CTNNA3: variants seen among roughly 807,000 people sequenced by gnomAD.
The protein encoded by CTNNA3 is catenin alpha-3.
Under a neutral mutation model 95.7 loss-of-function variants are expected in CTNNA3, and 76 were observed. That is an observed-to-expected ratio of 0.79 (90% CI 0.66 to 0.96). The LOEUF is 0.96. CTNNA3 is among the 40% of genes least tolerant of loss of function. CTNNA3 has a pLI of 0.00. For synonymous variants in CTNNA3, 431 were observed against 374.4 expected (o/e 1.15, Z -1.74); for missense variants, 1,191 against 1,089.8 (o/e 1.09, Z -1.31).
chr10:66,685,195 ATATATATATACGTATATATATGTG>A, intron 9 of CTNNA3, among the ~76,000 whole-genome samples: 1 of 52,718 alleles, frequency 1.9e-5, no homozygotes, highest in Non-Finnish European at 3.6e-5. Flanking sequence ...ATATACGTGT[ATATATATATACGTATATATATGTG>A]TATATATATA....
intron 7 of CTNNA3, among the ~76,000 whole-genome samples, chr10:67,121,981 C>CAAAAA (rs370358378): frequency 1.5e-4 from 7 of 47,146 alleles, no homozygotes; most frequent in South Asian, 1.1e-3. Flanking sequence ...TTATTCTGAG[C>CAAAAA]AAAAAAAAAA....
At chr10:67,662,562 C>T (rs1265633510) in intron 1 of CTNNA3, among the ~76,000 whole-genome samples, 2 of 152,144 alleles carry the variant, frequency 1.3e-5, no homozygotes, top group African/African-American at 4.8e-5. Flanking sequence ...ATGACATGAA[C>T]GAATATCAAA....
intron 15 of CTNNA3, among the ~76,000 whole-genome samples, chr10:66,032,838 AT>A (rs1160430760): frequency 1.3e-5 from 2 of 152,160 alleles, no homozygotes; most frequent in Admixed American, 6.5e-5. Flanking sequence ...CATGTATATT[AT>A]TTTTCTTCAC....
chr10:66,892,594 T>C (rs1053847528), intron 7 of CTNNA3, among the ~76,000 whole-genome samples: 3 of 152,052 alleles, frequency 2.0e-5, no homozygotes, highest in Non-Finnish European at 4.4e-5. Flanking sequence ...CTTTTTAAAG[T>C]GAAAAAATCC....
chr10:67,744,325 C>A (rs10997792), intron 1 of CTNNA3, among the ~76,000 whole-genome samples: 14,534 of 150,878 alleles, frequency 0.096, 1,391 homozygotes, highest in East Asian at 0.26. Context: ...ATGGAACAGA[C>A]CAGAGCCCTC....
chr10:67,408,730 A>T (rs1845241541), intron 5 of CTNNA3, among the ~76,000 whole-genome samples: 1 of 152,140 alleles, frequency 6.6e-6, no homozygotes, highest in African/African-American at 2.4e-5. Context: ...GCAAAAATTG[A>T]CAAATGAGAT....
At chr10:66,184,509 ACAAATAAC>A (rs1159958750) in intron 13 of CTNNA3, among the ~76,000 whole-genome samples, 1 of 152,184 alleles carries the variant, frequency 6.6e-6, no homozygotes, top group Non-Finnish European at 1.5e-5. Flanking sequence ...CCTTTATTAT[ACAAATAAC>A]CAATTTTTTT....
intron 9 of CTNNA3, among the ~76,000 whole-genome samples, chr10:66,705,512 A>C (rs1848087667): frequency 6.6e-6 from 1 of 152,044 alleles, no homozygotes; most frequent in African/African-American, 2.4e-5. Context: ...TTGTGGGAAG[A>C]TATAAATGTT....
At chr10:66,054,572 G>A (rs1325109143) in intron 15 of CTNNA3, among the ~76,000 whole-genome samples, 1 of 151,978 alleles carries the variant, frequency 6.6e-6, no homozygotes, top group African/African-American at 2.4e-5. Flanking sequence ...TGATTGGATT[G>A]TTCTTTTCCT....
At chr10:67,682,613 C>A (rs977037456) in intron 1 of CTNNA3, among the ~76,000 whole-genome samples, 2 of 152,074 alleles carry the variant, frequency 1.3e-5, no homozygotes, top group Non-Finnish European at 2.9e-5. Context: ...AGAAATATGA[C>A]AATACATCTC....
chr10:67,450,046 A>T (rs111916467), intron 5 of CTNNA3, among the ~76,000 whole-genome samples: 3,816 of 152,294 alleles, frequency 0.025, 134 homozygotes, highest in African/African-American at 0.076. Flanking sequence ...TATGAAAAAA[A>T]GCTCAATATC....
intron 7 of CTNNA3, among the ~76,000 whole-genome samples, chr10:66,943,831 G>A (rs566606014): frequency 1.9e-3 from 294 of 152,254 alleles, no homozygotes; most frequent in South Asian, 7.5e-3. Flanking sequence ...ATGCTGTACT[G>A]TAGTCTATTA....
At chr10:67,237,136 A>ATATATATATATATG (rs1865514668) in intron 5 of CTNNA3, among the ~76,000 whole-genome samples, 2 of 51,548 alleles carry the variant, frequency 3.9e-5, no homozygotes, top group African/African-American at 2.9e-4. Context: ...GTATATATAT[A>ATATATATATATATG]TATATATATA....
At chr10:67,383,370 G>A (rs568781407) in intron 5 of CTNNA3, among the ~76,000 whole-genome samples, 18 of 152,190 alleles carry the variant, frequency 1.2e-4, no homozygotes, top group Admixed American at 8.5e-4. Flanking sequence ...CACAACAGTC[G>A]TGGTAAGAAA....
chr10:66,269,182 T>C (rs1424638954), intron 13 of CTNNA3, among the ~76,000 whole-genome samples: 2 of 152,228 alleles, frequency 1.3e-5, no homozygotes, highest in African/African-American at 4.8e-5. Context: ...ATTTTACAAA[T>C]GCAAATCTGA....
intron 7 of CTNNA3, among the ~76,000 whole-genome samples, chr10:67,117,761 A>G (rs187789644): frequency 6.6e-6 from 1 of 152,128 alleles, no homozygotes; most frequent in Admixed American, 6.6e-5. Flanking sequence ...TTTGATAGTA[A>G]AATCAAGGTT....
chr10:66,758,479 G>C (rs1839465869), intron 9 of CTNNA3, among the ~76,000 whole-genome samples: 1 of 152,178 alleles, frequency 6.6e-6, no homozygotes, highest in South Asian at 2.1e-4. Context: ...TGCATGATCA[G>C]GCTGATGATT....
chr10:65,990,200 G>GTATC, intron 15 of CTNNA3, among the ~76,000 whole-genome samples: 1 of 151,818 alleles, frequency 6.6e-6, no homozygotes, highest in African/African-American at 2.4e-5. Flanking sequence ...AGGGGTGCAG[G>GTATC]TATCCTTTTG....
chr10:66,600,799 G>A (rs1436480005), intron 10 of CTNNA3, among the ~76,000 whole-genome samples: 1 of 151,882 alleles, frequency 6.6e-6, no homozygotes, highest in African/African-American at 2.4e-5. Context: ...ATATATGACA[G>A]TCAAAAGCAT....
Sources: gnomAD v4.1 joint callset for allele counts (sites outside exome capture counted in the v4.1 genomes callset) on GRCh38, gnomAD v4.1.1 for gene constraint, MANE v1.5 for transcripts, NCBI Gene and HGNC (gene_info 2026-07-23, HGNC 2026-07-21) for gene names.